TBX15: variants seen among roughly 807,000 people sequenced by gnomAD.
The protein encoded by TBX15 is T-box transcription factor 15, also known as T-box transcription factor TBX15.
In TBX15, 18 loss-of-function variants were observed where a neutral mutation model predicts 53.9. The observed-to-expected ratio is 0.33, with a 90% CI of 0.23 to 0.49. The LOEUF (loss-of-function observed/expected upper bound fraction) is 0.49, where lower values mean the gene tolerates loss of function less well. Ranked by LOEUF, TBX15 falls within the 20% of genes least tolerant of loss-of-function variation. The pLI is 0.98. For missense variants in TBX15, 692 were observed against 749.5 expected (o/e 0.92, Z 0.90); for synonymous variants, 295 against 278.0 (o/e 1.06, Z -0.61).
intron 7 of TBX15, among the ~76,000 whole-genome samples, chr1:118,898,024 T>A (rs1383897533): frequency 6.6e-6 from 1 of 152,226 alleles, no homozygotes; most frequent in African/African-American, 2.4e-5. Flanking sequence ...CTAGTTGTAT[T>A]AAATGCTTAC....
At chr1:118,943,846 G>T (rs1386825917) in intron 1 of TBX15, among the ~76,000 whole-genome samples, 1 of 152,134 alleles carries the variant, frequency 6.6e-6, no homozygotes, top group Non-Finnish European at 1.5e-5. Context: ...AGGCCTGAAA[G>T]GTAGGCATTT....
chr1:118,885,661 G>T, intron 7 of TBX15, 145 bp from the exon 8 acceptor site: 1 of 939,726 alleles, frequency 1.1e-6, no homozygotes, highest in Non-Finnish European at 1.6e-6. Flanking sequence ...TAACTCAGCA[G>T]ACCTATGCTA....
At chr1:118,969,393 C>T (rs892959604) in intron 1 of TBX15, among the ~76,000 whole-genome samples, 4 of 152,154 alleles carry the variant, frequency 2.6e-5, no homozygotes, top group Admixed American at 2.0e-4. Context: ...ATTCTGTAAG[C>T]CTTAAGGATC....
chr1:118,988,350 A>T (rs1394044640), upstream of TBX15: 1 of 152,976 alleles, frequency 6.5e-6, no homozygotes, highest in Non-Finnish European at 1.5e-5. Context: ...GGGGAGGAAG[A>T]AAAAGACTGA....
At chr1:118,894,907 T>C (rs1321747064) in intron 7 of TBX15, among the ~76,000 whole-genome samples, 3 of 152,152 alleles carry the variant, frequency 2.0e-5, no homozygotes, top group Non-Finnish European at 4.4e-5. Flanking sequence ...TGCTCTCCTA[T>C]AGCTAAAAAG....
At chr1:118,918,807 A>G (rs1655331370) in intron 5 of TBX15, among the ~76,000 whole-genome samples, 1 of 152,190 alleles carries the variant, frequency 6.6e-6, no homozygotes, top group African/African-American at 2.4e-5. Flanking sequence ...GCAGACATAA[A>G]TAGCACAACC....
chr1:118,921,108 G>A (rs1015233856), intron 5 of TBX15, among the ~76,000 whole-genome samples: 1 of 152,096 alleles, frequency 6.6e-6, no homozygotes, highest in Non-Finnish European at 1.5e-5. Flanking sequence ...GATCCCAGGA[G>A]GCCAGGGCTG....
chr1:118,929,419 G>T (rs971941989), intron 2 of TBX15, among the ~76,000 whole-genome samples: 2 of 152,206 alleles, frequency 1.3e-5, no homozygotes, highest in Non-Finnish European at 2.9e-5. Context: ...CCAGGAGAAT[G>T]AGAAGGAATG....
intron 4 of TBX15, among the ~76,000 whole-genome samples, chr1:118,924,166 T>C (rs1342526062): frequency 1.3e-5 from 2 of 152,252 alleles, no homozygotes; most frequent in African/African-American, 4.8e-5. Context: ...AAATTCAGTA[T>C]GTGTTTCACT....
At chr1:118,982,647 C>T (rs1287086427) in intron 1 of TBX15, among the ~76,000 whole-genome samples, 1 of 152,244 alleles carries the variant, frequency 6.6e-6, no homozygotes, top group Admixed American at 6.5e-5. Flanking sequence ...CTTCACTCCT[C>T]ACATGCTGTC....
chr1:118,989,328 G>C (rs1040695463), upstream of TBX15: 1 of 152,106 alleles, frequency 6.6e-6, no homozygotes, highest in Non-Finnish European at 1.5e-5. Context: ...AAAATCCAAC[G>C]CTCCTGGCCA....
intron 1 of TBX15, among the ~76,000 whole-genome samples, chr1:118,951,239 T>C (rs1656500633): frequency 6.6e-6 from 1 of 152,158 alleles, no homozygotes; most frequent in African/African-American, 2.4e-5. Flanking sequence ...GTCAAAAGGA[T>C]AACAAAATCA....
chr1:118,916,231 G>A (rs1051778349), intron 5 of TBX15, among the ~76,000 whole-genome samples: 1 of 152,152 alleles, frequency 6.6e-6, no homozygotes, highest in African/African-American at 2.4e-5. Flanking sequence ...AGGTCATAAA[G>A]TTCACAATAA....
chr1:118,987,687 C>T lies in TBX15; in HGVS notation c.109G>A (p.Glu37Lys), dbSNP rs938998020. The change falls in exon 1 of 8, where the codon GAG becomes AAG. Residue 37 changes from glutamate to lysine, a missense_variant. Around this residue, in one of 3 missense-constraint regions of TBX15, gnomAD observed 307 missense variants for 347.5 expected, o/e 0.88. Transcript: ENST00000369429. ...TCCATAGACAGGTCCAGCCCCTTCTCCTCCCAGTCTCGCAGTTTCCGTTTT... is the reference window on the plus strand; with the variant it reads ...TCCATAGACAGGTCCAGCCCCTTCTTCTCCCAGTCTCGCAGTTTCCGTTTT... ...NKKRKLRDWE[E>K]KGLDLSMEAL... The T allele has an allele frequency of 3.9e-6, 6 of 1,550,260 alleles. No individual in the cohort carries two copies. In the African/African-American group the frequency reaches 4.1e-5, roughly 11 times the overall value.
intron 1 of TBX15, among the ~76,000 whole-genome samples, chr1:118,940,452 G>A (rs919797450): frequency 6.6e-6 from 1 of 151,808 alleles, no homozygotes; most frequent in Admixed American, 6.6e-5. Context: ...AACATTACAA[G>A]GTACTTGGAA....
At chr1:118,959,132 A>G (rs1656786123) in intron 1 of TBX15, among the ~76,000 whole-genome samples, 1 of 152,074 alleles carries the variant, frequency 6.6e-6, no homozygotes, top group Admixed American at 6.5e-5. Context: ...CAAAGGAAAA[A>G]GGGGAATGTG....
chr1:118,962,391 A>G (rs931632528), intron 1 of TBX15, among the ~76,000 whole-genome samples: 3 of 152,106 alleles, frequency 2.0e-5, no homozygotes, highest in Non-Finnish European at 4.4e-5. Flanking sequence ...TGATAAGGGT[A>G]ACTATCATCA....
At chr1:118,961,581 A>G (rs1399293818) in intron 1 of TBX15, among the ~76,000 whole-genome samples, 1 of 152,146 alleles carries the variant, frequency 6.6e-6, no homozygotes, top group Non-Finnish European at 1.5e-5. Context: ...GATGGAGGCC[A>G]AAAAAGGATA....
intron 6 of TBX15, among the ~76,000 whole-genome samples, chr1:118,905,775 GA>G (rs755842121): frequency 7.2e-5 from 11 of 152,196 alleles, no homozygotes; most frequent in Non-Finnish European, 1.0e-4. Context: ...GAAACCAAAT[GA>G]AAATATAGAA....
Sources: allele counts gnomAD v4.1 joint callset (sites outside exome capture counted in the v4.1 genomes callset), GRCh38; gene constraint gnomAD v4.1.1; regional missense constraint gnomAD v4.1.1; transcripts MANE v1.5; gene names NCBI Gene and HGNC (gene_info 2026-07-23, HGNC 2026-07-21).